Variants in FBLN5 observed in about 807,000 individuals in gnomAD.
The protein encoded by FBLN5 is fibulin 5, also known as fibulin-5.
FBLN5 carries 24 observed loss-of-function variants against 61.6 expected under a neutral mutation model. That is an observed-to-expected ratio of 0.39 (90% CI 0.28 to 0.55). The LOEUF is 0.55. Among genes scored for constraint, FBLN5 ranks in the 20% least tolerant of loss-of-function variants. The pLI, the probability that FBLN5 is intolerant of heterozygous loss-of-function variation, is 0.65. For synonymous variants in FBLN5, 213 were observed against 219.8 expected (o/e 0.97, Z 0.27); for missense variants, 470 against 594.1 (o/e 0.79, Z 2.17).
intron 4 of FBLN5, among the ~76,000 whole-genome samples, chr14:91,915,126 CT>C (rs1392907787): frequency 6.6e-6 from 1 of 151,378 alleles, no homozygotes; most frequent in African/African-American, 2.4e-5. Flanking sequence ...CACCACTGCA[CT>C]CCAGCCTGGG....
chr14:91,910,100 T>C (rs1451165332), intron 4 of FBLN5, among the ~76,000 whole-genome samples: 2 of 152,196 alleles, frequency 1.3e-5, no homozygotes, highest in Admixed American at 1.3e-4. Flanking sequence ...TTATTCACAA[T>C]AGCCAGGAGG....
At chr14:91,912,885 AG>A (rs1891017840) in intron 4 of FBLN5, among the ~76,000 whole-genome samples, 1 of 152,026 alleles carries the variant, frequency 6.6e-6, no homozygotes, top group African/African-American at 2.4e-5. Flanking sequence ...TATGCTAAAG[AG>A]GTTGTTGATC....
chr14:91,938,758 G>C (rs940125213), intron 3 of FBLN5, among the ~76,000 whole-genome samples: 1 of 152,206 alleles, frequency 6.6e-6, no homozygotes, highest in African/African-American at 2.4e-5. Flanking sequence ...CGGGGCTAGA[G>C]ACTGGAGACC....
intron 1 of FBLN5, chr14:91,946,606 G>A: frequency 3.4e-6 from 3 of 886,422 alleles, no homozygotes; most frequent in South Asian, 3.0e-5. Flanking sequence ...TCAAGAGCTC[G>A]CTGAATAAAG....
chr14:91,945,851 G>A (rs1379496332), intron 1 of FBLN5, among the ~76,000 whole-genome samples: 1 of 152,164 alleles, frequency 6.6e-6, no homozygotes, highest in Non-Finnish European at 1.5e-5. Context: ...AAATCCCAGG[G>A]CTTTTTGATA....
intron 4 of FBLN5, among the ~76,000 whole-genome samples, chr14:91,932,774 G>A (rs1013974303): frequency 1.4e-4 from 22 of 152,238 alleles, no homozygotes; most frequent in African/African-American, 5.1e-4. Context: ...CGAAACGTAT[G>A]AAATTCTACA....
Position 91,882,899 on chromosome 14 carries a change from G to T in FBLN5, c.862+55C>A. ...GGTGAGGATATCCAGATGAGCCCCT[G>T]AAGCAGCTCCACCTCACACATACAC... is the stretch of plus-strand genomic sequence containing the variant. On this transcript the variant is annotated intron_variant, in intron 8 of 10. Coordinates refer to ENST00000342058, the MANE Select transcript of FBLN5 (RefSeq NM_006329.4). This position sits in a 1 kb window ranked among gnomAD's most constrained non-coding sequence, Gnocchi z 4.9. The T allele has an allele frequency of 6.2e-7, 1 of 1,602,580 alleles. No homozygotes were observed. Among genetic ancestry groups the T allele is most frequent in the Non-Finnish European group, 8.5e-7 (1 of 1,172,296 alleles).
At chr14:91,900,405 T>C (rs886123491) in intron 4 of FBLN5, among the ~76,000 whole-genome samples, 5 of 152,214 alleles carry the variant, frequency 3.3e-5, no homozygotes, top group Admixed American at 2.0e-4. Context: ...TTCCTGAAAG[T>C]TGAAAATACT....
Position 91,902,660 on chromosome 14 carries a change from A to C in FBLN5, c.380-7588T>G, listed in dbSNP as rs562549611. ...AGATTCTAATTCATTGGGTTCTACA[A>C]TCCTAACTAGCTCCCACATGAGGCC... On this transcript the variant is annotated intron_variant, in intron 4 of 10. Transcript: ENST00000342058. Among the ~76,000 whole-genome samples the C allele has an allele frequency of 2.6e-5, 4 of 152,316 alleles. No individual in the cohort carries two copies. The East Asian group carries it at 7.7e-4, about 29-fold the overall frequency.
At chr14:91,918,313 T>C (rs1183092581) in intron 4 of FBLN5, among the ~76,000 whole-genome samples, 1 of 152,214 alleles carries the variant, frequency 6.6e-6, no homozygotes, top group Non-Finnish European at 1.5e-5. Flanking sequence ...TCTGGATTTG[T>C]GGGAAGGACC....
intron 9 of FBLN5, among the ~76,000 whole-genome samples, chr14:91,879,228 A>C (rs532425386): frequency 2.0e-5 from 3 of 152,356 alleles, no homozygotes; most frequent in Middle Eastern, 6.8e-3. Context: ...GACCACAAAC[A>C]GCTGGGAGAG....
intron 4 of FBLN5, among the ~76,000 whole-genome samples, chr14:91,921,546 G>C: frequency 6.6e-6 from 1 of 152,192 alleles, no homozygotes; most frequent in Non-Finnish European, 1.5e-5. Flanking sequence ...TCACTCAGAA[G>C]AAAAGACCCC....
Position 91,882,877 on chromosome 14 carries a change from G to A in FBLN5, c.862+77C>T. ...CAAAGCTGCACATGATTCCCCAGGT[G>A]AGGATATCCAGATGAGCCCCTGAAG... On this transcript the variant is annotated intron_variant, in intron 8 of 10. Transcript: ENST00000342058. The surrounding 1 kb of genome is among the most constrained non-coding windows in gnomAD (Gnocchi z 4.9). 1 of 1,542,030 alleles carries A rather than the reference G, an allele frequency of 6.5e-7. No homozygotes were observed. Among genetic ancestry groups the A allele is most frequent in the East Asian group, 2.3e-5 (1 of 43,608 alleles).
At chr14:91,904,328 T>G (rs549324724) in intron 4 of FBLN5, among the ~76,000 whole-genome samples, 1 of 152,090 alleles carries the variant, frequency 6.6e-6, no homozygotes, top group Non-Finnish European at 1.5e-5. Flanking sequence ...CCATCTACCT[T>G]ATTGTGGCCC....
At chr14:91,898,475 C>T (rs904320959) in intron 4 of FBLN5, among the ~76,000 whole-genome samples, 35 of 152,144 alleles carry the variant, frequency 2.3e-4, no homozygotes, top group Non-Finnish European at 1.8e-4. Flanking sequence ...ACACGGTGGG[C>T]TTTCTCGGGG....
rs536696027 is a variant in FBLN5 at position 91,943,026 on chromosome 14, G to A, written c.18-65C>T. On this transcript the variant is annotated intron_variant, in intron 1 of 10. Transcript: ENST00000342058. This position sits in a 1 kb window ranked among gnomAD's most constrained non-coding sequence, Gnocchi z 4.0. Reference sequence around the variant, plus strand: ...ATTCAGGTCTAGGGGAGTGTGGGTCGCATGCGGCCCGTGACGTGTAACGGT... The same window carrying A: ...ATTCAGGTCTAGGGGAGTGTGGGTCACATGCGGCCCGTGACGTGTAACGGT... The A allele has an allele frequency of 1.9e-5, 21 of 1,078,144 alleles. No individual in the cohort carries two copies. Among genetic ancestry groups the A allele is most frequent in the East Asian group, 1.0e-4 (4 of 39,086 alleles). The allele number at this position is 1,078,144 out of a possible 1,614,324, so 66.8% of individuals were successfully genotyped here. A position where few individuals can be genotyped will look rare whatever the true frequency, so the allele number is the denominator to read the frequency against.
At position 91,929,382 on chromosome 14, in the gene FBLN5, GA is replaced by G. The variant is rs560631027; in HGVS notation, c.379+7564del. Among the ~76,000 whole-genome samples the G allele has an allele frequency of 1.4e-4, 21 of 152,184 alleles. No individual in the cohort carries two copies. The South Asian group carries it at 4.4e-3, about 32-fold the overall frequency. On this transcript the variant is annotated intron_variant, in intron 4 of 10. Coordinates refer to ENST00000342058, the MANE Select transcript of FBLN5 (RefSeq NM_006329.4). ...TAAATCTCAATTCAAAGTTAGTGGG[GA>G]AAAATATGACGATAGATCCCTTGAT...
At chr14:91,912,549 G>A (rs1890994418) in intron 4 of FBLN5, among the ~76,000 whole-genome samples, 1 of 152,176 alleles carries the variant, frequency 6.6e-6, no homozygotes, top group Non-Finnish European at 1.5e-5. Flanking sequence ...GGAGGCTGAG[G>A]CAGGAGAATC....
intron 2 of FBLN5, chr14:91,942,254 C>T (rs556695808): frequency 1.3e-5 from 6 of 449,072 alleles, no homozygotes; most frequent in Admixed American, 7.2e-5. Flanking sequence ...TCACCCACCC[C>T]CTTCTTACTC....
Sources: allele counts gnomAD v4.1 joint callset (sites outside exome capture counted in the v4.1 genomes callset), GRCh38; gene constraint gnomAD v4.1.1; non-coding constraint Gnocchi (gnomAD v3.1); transcripts MANE v1.5; gene names NCBI Gene and HGNC (gene_info 2026-07-23, HGNC 2026-07-21).